Variants in CD1B observed in about 807,000 individuals in gnomAD.
CD1B encodes T-cell surface glycoprotein CD1b.
Under a neutral mutation model 39.8 loss-of-function variants are expected in CD1B, and 43 were observed. That is an observed-to-expected ratio of 1.08 (90% CI 0.85 to 1.39). CD1B has a LOEUF of 1.39. CD1B is among the 40% of genes most tolerant of loss of function. The pLI is 0.00. For missense variants in CD1B, 495 were observed against 403.8 expected (o/e 1.23, Z -1.94); for synonymous variants, 192 against 152.5 (o/e 1.26, Z -1.91).
chr1:158,296,638 A>T, the CD1B span, among the ~76,000 whole-genome samples: 1 of 152,208 alleles, frequency 6.6e-6, no homozygotes, highest in Non-Finnish European at 1.5e-5. Flanking sequence ...TAGAATCTGG[A>T]TGGCAATGAA....
chr1:158,303,414 C>T, the CD1B span, among the ~76,000 whole-genome samples: 118 of 152,232 alleles, frequency 7.8e-4, no homozygotes, highest in African/African-American at 2.7e-3. Context: ...CAACATAATA[C>T]TGGAAGTCCT....
chr1:158,292,026 A>G, the CD1B span: 2 of 1,530,572 alleles, frequency 1.3e-6, no homozygotes, highest in East Asian at 4.5e-5. Context: ...CTAGGTTTTT[A>G]TACTGTTGTT....
the CD1B span, among the ~76,000 whole-genome samples, chr1:158,317,448 G>A: frequency 1.6e-4 from 24 of 152,228 alleles, no homozygotes; most frequent in South Asian, 3.3e-3. Context: ...GTTTATTTGC[G>A]TAGAGGTGTT....
At chr1:158,293,479 C>T in the CD1B span, 1 of 1,614,128 alleles carries the variant, frequency 6.2e-7, no homozygotes, top group South Asian at 1.1e-5. Context: ...TCCTGTGAGA[C>T]TCTTCCCCCT....
the CD1B span, chr1:158,292,673 T>A: frequency 1.9e-6 from 3 of 1,613,992 alleles, no homozygotes; most frequent in Admixed American, 5.0e-5. Context: ...TGCCTCCGGC[T>A]TCTACCCAAA....
the CD1B span, among the ~76,000 whole-genome samples, chr1:158,305,401 A>C: frequency 6.6e-6 from 1 of 152,184 alleles, no homozygotes; most frequent in Non-Finnish European, 1.5e-5. Flanking sequence ...AAAAGAAATT[A>C]ACAAAGCCTC....
the CD1B span, among the ~76,000 whole-genome samples, chr1:158,307,713 G>A: frequency 6.6e-6 from 1 of 152,180 alleles, no homozygotes; most frequent in Non-Finnish European, 1.5e-5. Flanking sequence ...GAATTCAGCA[G>A]CATATCAAAA....
At chr1:158,329,758 C>A (rs1381137672) in intron 3 of CD1B, 94 bp downstream of exon 3, 5 of 1,554,132 alleles carry the variant, frequency 3.2e-6, no homozygotes, top group African/African-American at 2.7e-5. Context: ...CTTTGGGAAC[C>A]AAATAACTTG....
chr1:158,316,724 T>C, the CD1B span, among the ~76,000 whole-genome samples: 54,595 of 149,046 alleles, frequency 0.37, 12,071 homozygotes, highest in African/African-American at 0.61. Context: ...GAGGGCATCC[T>C]TGTCTTGTGC....
At chr1:158,292,429 C>G in the CD1B span, 17 of 1,537,464 alleles carry the variant, frequency 1.1e-5, no homozygotes, top group Non-Finnish European at 8.8e-7. Flanking sequence ...TCTGTTCCCA[C>G]CCTTCAAACT....
At chr1:158,322,953 G>A (rs1469286435), downstream of CD1B, among the ~76,000 whole-genome samples, 2 of 152,020 alleles carry the variant, frequency 1.3e-5, no homozygotes. Flanking sequence ...AGAGTCAAAG[G>A]GTATGTCTTG....
chr1:158,317,542 A>G, the CD1B span, among the ~76,000 whole-genome samples: 1 of 150,760 alleles, frequency 6.6e-6, no homozygotes, highest in East Asian at 2.0e-4. Context: ...TGTCTATTTG[A>G]TTCTTCTCTC....
the CD1B span, among the ~76,000 whole-genome samples, chr1:158,307,657 C>T: frequency 6.6e-6 from 1 of 152,130 alleles, no homozygotes; most frequent in East Asian, 1.9e-4. Context: ...ACCAATATCC[C>T]TGACGAACAT....
the CD1B span, among the ~76,000 whole-genome samples, chr1:158,286,970 G>A: frequency 6.6e-6 from 1 of 152,096 alleles, no homozygotes; most frequent in African/African-American, 2.4e-5. Context: ...TGGGCAAGTT[G>A]CTCCCCAAAG....
At chr1:158,322,417 G>C in the CD1B span, among the ~76,000 whole-genome samples, 7 of 135,728 alleles carry the variant, frequency 5.2e-5, no homozygotes, top group Non-Finnish European at 9.5e-5. Flanking sequence ...TTTTTTTTCT[G>C]TTTTTTTTTT....
downstream of CD1B, among the ~76,000 whole-genome samples, chr1:158,324,140 T>C (rs1652273596): frequency 6.6e-6 from 1 of 152,202 alleles, no homozygotes; most frequent in Non-Finnish European, 1.5e-5. Context: ...GCATGATTCC[T>C]CCTAGACACA....
At chr1:158,317,754 T>C in the CD1B span, among the ~76,000 whole-genome samples, 1 of 152,238 alleles carries the variant, frequency 6.6e-6, no homozygotes, top group Non-Finnish European at 1.5e-5. Flanking sequence ...ACTGTGATGT[T>C]AGGATGTCAA....
the CD1B span, chr1:158,292,124 T>A: frequency 6.2e-7 from 1 of 1,614,190 alleles, no homozygotes; most frequent in Non-Finnish European, 8.5e-7. Context: ...GTGAGCTGCA[T>A]TCTGGAAAGA....
the CD1B span, among the ~76,000 whole-genome samples, chr1:158,316,425 A>C: frequency 1.3e-5 from 2 of 151,648 alleles, no homozygotes; most frequent in African/African-American, 4.9e-5. Context: ...AGCAATTGTG[A>C]ATGGGATTTC....
Sources: gnomAD v4.1 joint callset for allele counts (sites outside exome capture counted in the v4.1 genomes callset) on GRCh38, gnomAD v4.1.1 for gene constraint, MANE v1.5 for transcripts, NCBI Gene and HGNC (gene_info 2026-07-23, HGNC 2026-07-21) for gene names.